Variants in ALPK1 observed in about 807,000 individuals in gnomAD.
The protein encoded by ALPK1 is alpha kinase 1, also known as alpha-protein kinase 1.
A neutral mutation model predicts 120.6 loss-of-function variants in ALPK1; 110 were observed. The observed-to-expected ratio is 0.91, with a 90% confidence interval of 0.78 to 1.07. The LOEUF is 1.07. Among genes scored for constraint, ALPK1 ranks in the 50% least tolerant of loss-of-function variants. The pLI, the probability that ALPK1 is intolerant of heterozygous loss-of-function variation, is 0.00. For synonymous variants in ALPK1, 582 were observed against 560.3 expected (o/e 1.04, Z -0.55); for missense variants, 1,498 against 1,483.9 (o/e 1.01, Z -0.16).
chr4:112,429,235 C>T lies in ALPK1; in HGVS notation c.882C>T (p.Leu294=). Residue 294 remains leucine, a synonymous_variant, in exon 10 of 16, where the codon CTC becomes CTT. Coordinates refer to ENST00000650871, the MANE Select transcript of ALPK1 (RefSeq NM_025144.4). ...CTGCCTTCAGTGCCTATACGCCGCT[C>T]TTCGTGCTCACAGCTGTGGTAAACG... ...LAAAFSAYTP[L]FVLTAVNIRG... 1 of 1,612,464 alleles carries T rather than the reference C, an allele frequency of 6.2e-7. No homozygotes were observed. Among genetic ancestry groups the T allele is most frequent in the Non-Finnish European group, 8.5e-7 (1 of 1,179,832 alleles).
At chr4:112,323,773 C>T (rs1186876925) in intron 2 of ALPK1, among the ~76,000 whole-genome samples, 1 of 152,328 alleles carries the variant, frequency 6.6e-6, no homozygotes, top group Non-Finnish European at 1.5e-5. Context: ...TGCTTCTACG[C>T]TCCTTATAAG....
intron 2 of ALPK1, among the ~76,000 whole-genome samples, chr4:112,316,757 A>G (rs552659802): frequency 1.3e-5 from 2 of 149,704 alleles, no homozygotes; most frequent in South Asian, 4.4e-4. Context: ...CTTATTGGCC[A>G]TTTGTATATC....
intron 13 of ALPK1, 47 bp downstream of exon 13, chr4:112,438,693 G>A (rs1198901608): frequency 2.5e-6 from 4 of 1,581,320 alleles, no homozygotes; most frequent in Non-Finnish European, 3.5e-6. Context: ...AATCACACTT[G>A]AATATCAATT....
intron 4 of ALPK1, among the ~76,000 whole-genome samples, chr4:112,396,128 C>T (rs940138167): frequency 8.5e-5 from 13 of 152,056 alleles, no homozygotes; most frequent in Middle Eastern, 6.8e-3. Context: ...TTTTTAGTAC[C>T]TAAACCACAA....
intron 2 of ALPK1, among the ~76,000 whole-genome samples, chr4:112,375,752 T>A (rs1467518225): frequency 6.6e-6 from 1 of 152,158 alleles, no homozygotes; most frequent in African/African-American, 2.4e-5. Flanking sequence ...AAGAAATTTT[T>A]TTTTTTTTTT....
intron 2 of ALPK1, among the ~76,000 whole-genome samples, chr4:112,324,511 T>C (rs994077301): frequency 1.3e-5 from 2 of 152,088 alleles, no homozygotes; most frequent in East Asian, 3.9e-4. Context: ...AGGGTCTAAC[T>C]CTATTGTCCT....
At chr4:112,384,323 C>T (rs1413818689) in intron 4 of ALPK1, 2 of 152,218 alleles carry the variant, frequency 1.3e-5, no homozygotes, top group Non-Finnish European at 1.5e-5. Flanking sequence ...CATCCAGTAA[C>T]ACTTTTTGTA....
intron 2 of ALPK1, chr4:112,356,597 C>T (rs1237394026): frequency 2.6e-6 from 2 of 780,012 alleles, no homozygotes; most frequent in Non-Finnish European, 4.6e-6. Context: ...AGGAGAGTAA[C>T]CACATGAAGA....
rs548204209 is a variant in ALPK1 at position 112,310,240 on chromosome 4, T to C, written c.-152-5561T>C. 9.9e-5 allele frequency among the ~76,000 whole-genome samples: 15 copies of C among 152,236 alleles called. No homozygotes were observed. In the South Asian group the frequency reaches 1.2e-3, roughly 13 times the overall value. On this transcript the variant is annotated intron_variant, in intron 1 of 15. Transcript: ENST00000650871. ...ATTGAAAAATTAATTCATAAATTCATCAACATAACACTTGGAGAACTGCAT... is the reference window on the plus strand; with the variant it reads ...ATTGAAAAATTAATTCATAAATTCACCAACATAACACTTGGAGAACTGCAT...
At chr4:112,420,565 G>T (rs7686711) in intron 5 of ALPK1, among the ~76,000 whole-genome samples, 1 of 151,956 alleles carries the variant, frequency 6.6e-6, no homozygotes, top group Non-Finnish European at 1.5e-5. Context: ...AACACAACTG[G>T]CATGCAATGG....
chr4:112,431,993 C>T lies in ALPK1; in HGVS notation c.2446C>T (p.Leu816=). Reference sequence around the variant, plus strand: ...CAATTCTCTGGGAAACATTTCCATGCTGCCATGTAGCTCCTTCACCCCTAA... The same window carrying T: ...CAATTCTCTGGGAAACATTTCCATGTTGCCATGTAGCTCCTTCACCCCTAA... The part of the protein sequence containing the change: ...LHNSLGNISM[L]PCSSFTPNWP... Residue 816 remains leucine (L), a synonymous_variant, in exon 11 of 16, where the codon CTG becomes TTG. Coordinates refer to ENST00000650871, the MANE Select transcript of ALPK1 (RefSeq NM_025144.4). 1 of 1,614,128 alleles carries T rather than the reference C, an allele frequency of 6.2e-7. No homozygotes were observed. The highest frequency in any genetic ancestry group is 8.5e-7 in the Non-Finnish European group (1 of 1,180,000).
intron 6 of ALPK1, among the ~76,000 whole-genome samples, chr4:112,424,386 T>C (rs964378127): frequency 6.6e-6 from 1 of 152,236 alleles, no homozygotes; most frequent in African/African-American, 2.4e-5. Flanking sequence ...GCTTCGGCTT[T>C]ATCAATTTAA....
intron 1 of ALPK1, among the ~76,000 whole-genome samples, chr4:112,305,960 G>C (rs1204134742): frequency 6.6e-6 from 1 of 152,128 alleles, no homozygotes; most frequent in South Asian, 2.1e-4. Context: ...TAGCATGAAG[G>C]GCTGTTGACT....
At chr4:112,385,899 A>AT (rs1643360757) in intron 4 of ALPK1, among the ~76,000 whole-genome samples, 1 of 152,012 alleles carries the variant, frequency 6.6e-6, no homozygotes, top group African/African-American at 2.4e-5. Flanking sequence ...ACTTTCTGTG[A>AT]TTTTTTTACC....
intron 1 of ALPK1, among the ~76,000 whole-genome samples, chr4:112,310,648 T>C (rs980543656): frequency 1.3e-5 from 2 of 152,120 alleles, no homozygotes; most frequent in South Asian, 2.1e-4. Context: ...CTCCTTGTGT[T>C]AGTATCAGCT....
chr4:112,349,281 A>G lies in ALPK1; in HGVS notation c.-100-28397A>G, dbSNP rs543693369. On this transcript the variant is annotated intron_variant, in intron 2 of 15. Coordinates refer to ENST00000650871, the MANE Select transcript of ALPK1 (RefSeq NM_025144.4). The stretch of plus-strand genomic sequence containing the variant: ...TACTGGAAAAATATCAGGAACCTGA[A>G]GACTTTGCATAGTCAAGCAATTTTA... Among the ~76,000 whole-genome samples, 4 of 152,346 alleles carry G rather than the reference A, an allele frequency of 2.6e-5. No individual in the cohort carries two copies. The East Asian group carries it at 7.7e-4, about 29-fold the overall frequency.
intron 3 of ALPK1, among the ~76,000 whole-genome samples, chr4:112,382,089 T>C (rs1481695079): frequency 6.6e-6 from 1 of 152,152 alleles, no homozygotes; most frequent in African/African-American, 2.4e-5. Flanking sequence ...TTCATTCCTT[T>C]CTCTGATTCT....
intron 4 of ALPK1, among the ~76,000 whole-genome samples, chr4:112,389,646 C>T (rs200642321): frequency 6.6e-6 from 1 of 152,152 alleles, no homozygotes; most frequent in African/African-American, 2.4e-5. Flanking sequence ...GTTGGACAGA[C>T]GGGGTGGGCA....
chr4:112,298,129 G>A (rs557391773), intron 1 of ALPK1, among the ~76,000 whole-genome samples: 1 of 152,140 alleles, frequency 6.6e-6, no homozygotes, highest in Non-Finnish European at 1.5e-5. Flanking sequence ...ACTTTGAAAA[G>A]CCACAAATTA....
Sources: allele counts gnomAD v4.1 joint callset (sites outside exome capture counted in the v4.1 genomes callset), GRCh38; gene constraint gnomAD v4.1.1; transcripts MANE v1.5; gene names NCBI Gene and HGNC (gene_info 2026-07-23, HGNC 2026-07-21).